BCAN: variants seen among roughly 807,000 people sequenced by gnomAD.
The protein encoded by BCAN is brevican core protein.
A neutral mutation model predicts 92.4 loss-of-function variants in BCAN; 51 were observed. The ratio of observed to expected loss-of-function variants is 0.55; its 90% CI spans 0.44 to 0.70. BCAN has a LOEUF of 0.70. Among genes scored for constraint, BCAN ranks in the 30% least tolerant of loss-of-function variants. BCAN has a pLI of 0.00. For synonymous variants in BCAN, 501 were observed against 505.2 expected (o/e 0.99, Z 0.11); for missense variants, 1,140 against 1,212.1 (o/e 0.94, Z 0.88).
chr1:156,659,039 C>T lies in BCAN; in HGVS notation c.2641C>T (p.His881Tyr). 1 of 1,599,808 alleles carries T rather than the reference C, an allele frequency of 6.3e-7. No individual in the cohort carries two copies. The highest frequency in any genetic ancestry group is 8.5e-7 in the Non-Finnish European group (1 of 1,174,800). Reference sequence around the variant, plus strand: ...GTGTCTTCCCCAGGCCCGAGCTCTGCACCCAGAGGAGGACCCAGAAGGACG... The same window carrying T: ...GTGTCTTCCCCAGGCCCGAGCTCTGTACCCAGAGGAGGACCCAGAAGGACG... ...CVPRRPARAL[H>Y]PEEDPEGRQG... The change falls in exon 14 of 14, where the codon CAC becomes TAC. Residue 881 changes from histidine to tyrosine, a missense_variant. Around this residue, in one of 3 missense-constraint regions of BCAN, gnomAD observed 825 missense variants for 871.8 expected, o/e 0.95. Coordinates refer to ENST00000329117, the MANE Select transcript of BCAN (RefSeq NM_021948.5).
At chr1:156,656,627 G>A (rs932156831) in intron 9 of BCAN, 34 of 476,550 alleles carry the variant, frequency 7.1e-5, no homozygotes, top group Admixed American at 2.1e-4. Flanking sequence ...GCATTTAATC[G>A]GTGGTCAATA....
chr1:156,652,210 C>T (rs1164768317), intron 7 of BCAN, 38 bp from the exon 8 acceptor site: 3 of 1,542,150 alleles, frequency 1.9e-6, no homozygotes, highest in Admixed American at 2.0e-5. Flanking sequence ...CTTGGACAGA[C>T]GCTGTCCCTG....
chr1:156,658,875 G>T lies in BCAN; in HGVS notation c.2628+142G>T, dbSNP rs1045864024. The T allele has an allele frequency of 7.2e-7, 1 of 1,382,122 alleles. No homozygotes were observed. Among genetic ancestry groups the T allele is most frequent in the Non-Finnish European group, 1.0e-6 (1 of 1,004,892 alleles). 85.6% of individuals were successfully genotyped at this position (1,382,122 alleles called of 1,614,324 possible). A position where few individuals can be genotyped will look rare whatever the true frequency, so the allele number is the denominator to read the frequency against. ...CTCTGAGGCAAAGGGGAAGAGGTGG[G>T]CTGGAGGCTCTGGGGTTCCTTCAGT... On this transcript the variant is annotated intron_variant, in intron 13 of 13. Coordinates refer to ENST00000329117, the MANE Select transcript of BCAN (RefSeq NM_021948.5). The surrounding 1 kb of genome is among the most constrained non-coding windows in gnomAD (Gnocchi z 4.4).
Position 156,647,719 on chromosome 1 carries a change from C to T in BCAN, c.641+37C>T, listed in dbSNP as rs763936942. 2.5e-5 allele frequency: 39 copies of T among 1,559,276 alleles called. No individual in the cohort carries two copies. The South Asian group carries it at 4.7e-4, about 19-fold the overall frequency. ...CTGTGGATTGGGGCTTCTATTGGCC[C>T]CTGAGGTGGCCATGGCCCCCCTTCT... On this transcript the variant is annotated intron_variant, in intron 4 of 13. Coordinates refer to ENST00000329117, the MANE Select transcript of BCAN (RefSeq NM_021948.5). This position sits in a 1 kb window ranked among gnomAD's most constrained non-coding sequence, Gnocchi z 4.8.
At chr1:156,657,142 A>T in intron 10 of BCAN, 46 bp downstream of exon 10, 1 of 1,591,048 alleles carries the variant, frequency 6.3e-7, no homozygotes, top group Non-Finnish European at 8.6e-7. Context: ...ATATGCTCTC[A>T]CTCTCTCTCA....
intron 6 of BCAN, among the ~76,000 whole-genome samples, chr1:156,651,139 T>C (rs1679148883): frequency 2.0e-5 from 3 of 152,360 alleles, no homozygotes; most frequent in East Asian, 1.9e-4. Context: ...GCTCAAGTGT[T>C]CTTTATCTTG....
At chr1:156,646,481 G>C (rs935326619) in intron 2 of BCAN, 2 of 499,610 alleles carry the variant, frequency 4.0e-6, no homozygotes, top group Non-Finnish European at 7.0e-6. Flanking sequence ...AGGACTCAGG[G>C]GGCGAGGTTG....
In BCAN at chr1:156,659,217, A is replaced by T; in HGVS notation, c.*83A>T. The T allele has an allele frequency of 1.9e-6, 2 of 1,059,750 alleles. No individual in the cohort carries two copies. Among genetic ancestry groups the T allele is most frequent in the Non-Finnish European group, 2.7e-6 (2 of 746,088 alleles). 65.6% of individuals were successfully genotyped at this position (1,059,750 alleles called of 1,614,324 possible). A position where few individuals can be genotyped will look rare whatever the true frequency, so the allele number is the denominator to read the frequency against. On this transcript the variant is annotated 3_prime_UTR_variant, in exon 14 of 14. Transcript: ENST00000329117. The stretch of plus-strand genomic sequence containing the variant: ...TCACACCCTGCGCTCCCGCCACCAC[A>T]GGAAGTGACAACATGACGAGGGGTG...
chr1:156,658,440 TC>T lies in BCAN; in HGVS notation c.2438-102del. On this transcript the variant is annotated intron_variant, in intron 12 of 13. Coordinates refer to ENST00000329117, the MANE Select transcript of BCAN (RefSeq NM_021948.5). This position sits in a 1 kb window ranked among gnomAD's most constrained non-coding sequence, Gnocchi z 4.4. ...ACGTGGGTCCACTCGGAATCCCTGATCTTTTTTTGTCATGTTGTGGCCCATT... is the reference window on the plus strand; with the variant it reads ...ACGTGGGTCCACTCGGAATCCCTGATTTTTTTTGTCATGTTGTGGCCCATT... 1 of 1,483,380 alleles carries T rather than the reference TC, an allele frequency of 6.7e-7. No individual in the cohort carries two copies. Among genetic ancestry groups the T allele is most frequent in the East Asian group, 2.3e-5 (1 of 42,884 alleles). The allele number at this position is 1,483,380 out of a possible 1,614,324, so 91.9% of individuals were successfully genotyped here.
chr1:156,657,264 C>G (rs1408883252), intron 10 of BCAN, 168 bp downstream of exon 10: 7 of 985,074 alleles, frequency 7.1e-6, no homozygotes, highest in Non-Finnish European at 1.0e-5. Context: ...CCCTTCCCAC[C>G]CTACGCTTAG....
intron 8 of BCAN, among the ~76,000 whole-genome samples, chr1:156,654,837 A>G (rs549172189): frequency 1.3e-5 from 2 of 152,358 alleles, no homozygotes; most frequent in East Asian, 3.8e-4. Context: ...GGTGGGCAGC[A>G]CCACAAGCTG....
At position 156,647,005 on chromosome 1, in the gene BCAN, A is replaced by C; in HGVS notation, c.296A>C (p.Lys99Thr). Residue 99 changes from lysine to threonine, a missense_variant, in exon 3 of 14, where the codon AAG (lysine) becomes ACG (threonine). Lys to Thr is a moderately conservative substitution (Grantham distance 78). This residue lies in a region of BCAN where 286 missense variants were observed against 284.1 expected (regional missense o/e 1.01). Coordinates refer to ENST00000329117, the MANE Select transcript of BCAN (RefSeq NM_021948.5). This position sits in a 1 kb window ranked among gnomAD's most constrained non-coding sequence, Gnocchi z 4.8. ...CTGGTGGCGCGGGGAGTGCGCGTCA[A>C]GGTGAACGAGGCCTACCGGTTCCGC... The part of the protein sequence containing the change: ...EVLVARGVRV[K>T]VNEAYRFRVA... 1 of 1,613,144 alleles carries C rather than the reference A, an allele frequency of 6.2e-7. No individual in the cohort carries two copies. The highest frequency in any genetic ancestry group is 8.5e-7 in the Non-Finnish European group (1 of 1,179,664).
chr1:156,654,665 G>A (rs1440600300), intron 8 of BCAN, among the ~76,000 whole-genome samples: 1 of 152,218 alleles, frequency 6.6e-6, no homozygotes. Flanking sequence ...AAGTTTGAGA[G>A]CCTCTGTCCC....
At chr1:156,648,254 C>T in intron 5 of BCAN, 144 bp downstream of exon 5, 2 of 1,227,766 alleles carry the variant, frequency 1.6e-6, no homozygotes, top group South Asian at 1.5e-5. Flanking sequence ...GTGTCCCTCT[C>T]TCCAAACACT....
At position 156,659,033 on chromosome 1, in the gene BCAN, G is replaced by A. The variant is rs1183015641; in HGVS notation, c.2635G>A (p.Ala879Thr). 6.3e-7 allele frequency: 1 copy of A among 1,597,942 alleles called. No individual in the cohort carries two copies. Among genetic ancestry groups the A allele is most frequent in the Non-Finnish European group, 8.5e-7 (1 of 1,173,838 alleles). ...ISCVPRRPARALHPEEDPEGR... is the reference protein window; with the variant it reads ...ISCVPRRPARTLHPEEDPEGR... ...GAGTGTGTGTCTTCCCCAGGCCCGA[G>A]CTCTGCACCCAGAGGAGGACCCAGA... Residue 879 changes from alanine to threonine, a missense_variant, in exon 14 of 14, where the codon GCT becomes ACT. Coordinates refer to ENST00000329117, the MANE Select transcript of BCAN (RefSeq NM_021948.5).
At position 156,647,172 on chromosome 1, in the gene BCAN, A is replaced by G; in HGVS notation, c.463A>G (p.Lys155Glu). 7.6e-7 allele frequency: 1 copy of G among 1,311,028 alleles called. No homozygotes were observed. The highest frequency in any genetic ancestry group is 1.0e-6 in the Non-Finnish European group (1 of 986,120). The allele number at this position is 1,311,028 out of a possible 1,614,324, so 81.2% of individuals were successfully genotyped here. A position where few individuals can be genotyped will look rare whatever the true frequency, so the allele number is the denominator to read the frequency against. Residue 155 changes from lysine to glutamate, a missense_variant, in exon 3 of 14, where the codon AAA becomes GAA. Around this residue, in one of 3 missense-constraint regions of BCAN, gnomAD observed 286 missense variants for 284.1 expected, o/e 1.01. Transcript: ENST00000329117. The surrounding 1 kb of genome is among the most constrained non-coding windows in gnomAD (Gnocchi z 4.8). Reference protein sequence around the residue: ...DSSDAVEVKVKGVVFLYREGS... With the variant: ...DSSDAVEVKVEGVVFLYREGS... ...CAGCGACGCTGTGGAGGTCAAGGTC[A>G]AAGGTGAGAGGGCAGGGAGGTTCCA...
chr1:156,656,718 C>A, intron 9 of BCAN: 1 of 614,770 alleles, frequency 1.6e-6, no homozygotes, highest in Non-Finnish European at 2.8e-6. Context: ...ATCCCTCACC[C>A]TGGTTCCTGT....
chr1:156,655,173 A>G (rs181555082), intron 8 of BCAN, among the ~76,000 whole-genome samples: 1 of 152,368 alleles, frequency 6.6e-6, no homozygotes, highest in African/African-American at 2.4e-5. Flanking sequence ...CTGTGGAGCC[A>G]TCTTCCTTTG....
At chr1:156,656,136 C>T (rs1679315286) in intron 8 of BCAN, 146 bp from the exon 9 acceptor site, 6 of 444,952 alleles carry the variant, frequency 1.3e-5, no homozygotes, top group Admixed American at 1.3e-4. Flanking sequence ...CAGAGACAGG[C>T]TCTAGGGAGA....
Sources: allele counts gnomAD v4.1 joint callset (sites outside exome capture counted in the v4.1 genomes callset), GRCh38; gene constraint gnomAD v4.1.1; regional missense constraint gnomAD v4.1.1; non-coding constraint Gnocchi (gnomAD v3.1); transcripts MANE v1.5; gene names NCBI Gene and HGNC (gene_info 2026-07-23, HGNC 2026-07-21).